HDAC9: variants seen among roughly 807,000 people sequenced by gnomAD.
The protein encoded by HDAC9 is histone deacetylase 9.
In HDAC9, 41 loss-of-function variants were observed where a neutral mutation model predicts 139.4. That is an observed-to-expected ratio of 0.29 (90% CI 0.23 to 0.38). HDAC9 has a LOEUF of 0.38. HDAC9 is among the 10% of genes least tolerant of loss of function. HDAC9 has a pLI of 1.00. For missense variants in HDAC9, 1,147 were observed against 1,297.0 expected (o/e 0.88, Z 1.78); for synonymous variants, 517 against 476.2 (o/e 1.09, Z -1.12).
At chr7:18,488,676 A>G (rs908139619) in intron 1 of HDAC9, among the ~76,000 whole-genome samples, 6 of 152,062 alleles carry the variant, frequency 3.9e-5, no homozygotes, top group African/African-American at 1.4e-4. Flanking sequence ...CAAGGTTACT[A>G]GTAGTACAAG....
chr7:18,831,401 A>G (rs1486818328), intron 19 of HDAC9, among the ~76,000 whole-genome samples: 1 of 152,202 alleles, frequency 6.6e-6, no homozygotes, highest in Admixed American at 6.5e-5. Context: ...GAAAAATCTG[A>G]TACGATTTAT....
At chr7:18,955,889 C>T (rs1783111812) in intron 24 of HDAC9, among the ~76,000 whole-genome samples, 2 of 152,086 alleles carry the variant, frequency 1.3e-5, no homozygotes, top group African/African-American at 4.8e-5. Flanking sequence ...AAAGGAACGA[C>T]AGAAGTGAAG....
At chr7:18,284,932 G>A (rs557608003) in intron 2 of HDAC9, among the ~76,000 whole-genome samples, 1 of 152,074 alleles carries the variant, frequency 6.6e-6, no homozygotes, top group African/African-American at 2.4e-5. Flanking sequence ...CTAAAATAAG[G>A]ACCCAATGAC....
At chr7:18,248,572 T>G (rs1794712506) in intron 2 of HDAC9, among the ~76,000 whole-genome samples, 1 of 152,220 alleles carries the variant, frequency 6.6e-6, no homozygotes, top group Non-Finnish European at 1.5e-5. Context: ...TCTCATTCCT[T>G]CTCGCATGCT....
In HDAC9 at chr7:18,972,840, A is replaced by G. The variant is rs927486291; in HGVS notation, c.3023-2966A>G. ...CAACATGATTGTCTCACACTGTCCA[A>G]ATAAACCACAAAGTCTAGAAAATGT... On this transcript the variant is annotated intron_variant, in intron 24 of 25. Coordinates refer to ENST00000686413, the MANE Select transcript of HDAC9 (RefSeq NM_178425.4). 4.9e-4 allele frequency among the ~76,000 whole-genome samples: 75 copies of G among 152,232 alleles called. 1 individual carries two copies. The highest frequency in any genetic ancestry group is 1.7e-3 in the African/African-American group (71 of 41,464).
chr7:18,935,799 A>T lies in HDAC9; in HGVS notation c.2804-10A>T. 2.5e-6 allele frequency: 4 copies of T among 1,611,108 alleles called. No homozygotes were observed. Among genetic ancestry groups the T allele is most frequent in the East Asian group, 2.2e-5 (1 of 44,852 alleles). On this transcript the variant is annotated splice_polypyrimidine_tract_variant and intron_variant, in intron 22 of 25. Coordinates refer to ENST00000686413, the MANE Select transcript of HDAC9 (RefSeq NM_178425.4). ...TAATACTTTGAAATGTTCTGTTTGT[A>T]TTATGGTAGGTTTTGGTCATTTGAC...
intron 2 of HDAC9, among the ~76,000 whole-genome samples, chr7:18,538,652 G>A (rs1811688981): frequency 6.6e-6 from 1 of 152,088 alleles, no homozygotes; most frequent in African/African-American, 2.4e-5. Context: ...CACATGATAG[G>A]GGTATGGATA....
intron 10 of HDAC9, 29 bp from the exon 11 acceptor site, chr7:18,648,435 TAC>T (rs1287777964): frequency 1.4e-6 from 2 of 1,457,088 alleles, no homozygotes; most frequent in Non-Finnish European, 9.6e-7. Flanking sequence ...TGTGTGTGTA[TAC>T]ACACATATAC....
At chr7:18,502,769 ATCTC>A (rs1216458650) in intron 2 of HDAC9, 1 of 152,192 alleles carries the variant, frequency 6.6e-6, no homozygotes, top group African/African-American at 2.4e-5. Context: ...AAGAAACTGG[ATCTC>A]TCTAAGCTAT....
intron 8 of HDAC9, among the ~76,000 whole-genome samples, chr7:18,644,356 C>T (rs930953268): frequency 6.6e-6 from 1 of 151,974 alleles, no homozygotes; most frequent in Non-Finnish European, 1.5e-5. Context: ...ACATACTAAT[C>T]AGAATTATCC....
intron 1 of HDAC9, among the ~76,000 whole-genome samples, chr7:18,379,851 C>A (rs928021038): frequency 6.6e-6 from 1 of 152,104 alleles, no homozygotes; most frequent in African/African-American, 2.4e-5. Flanking sequence ...ATCTTATTTC[C>A]ACATAGATGC....
At chr7:18,290,866 A>G (rs1415375063) in intron 1 of HDAC9, among the ~76,000 whole-genome samples, 1 of 152,200 alleles carries the variant, frequency 6.6e-6, no homozygotes, top group Non-Finnish European at 1.5e-5. Flanking sequence ...GGCATTATCT[A>G]CTGAAGCTGA....
At chr7:18,559,816 T>G (rs1311922876) in intron 2 of HDAC9, among the ~76,000 whole-genome samples, 6 of 152,202 alleles carry the variant, frequency 3.9e-5, no homozygotes, top group African/African-American at 1.4e-4. Flanking sequence ...TTTTTAATCC[T>G]CAAATATTAT....
At chr7:18,720,730 G>A (rs2129123885) in intron 12 of HDAC9, among the ~76,000 whole-genome samples, 1 of 150,350 alleles carries the variant, frequency 6.7e-6, no homozygotes, top group South Asian at 2.1e-4. Flanking sequence ...CACTCAGGCT[G>A]GAGTCCAGTG....
rs73315439 is a variant in HDAC9 at position 18,713,348 on chromosome 7, A to C, written c.1732-14232A>C. Reference sequence around the variant, plus strand: ...ATGAGTTGATAAAAATTATTGACCCATGAGACTAAATACAGGGACTATCTC... The same window carrying C: ...ATGAGTTGATAAAAATTATTGACCCCTGAGACTAAATACAGGGACTATCTC... On this transcript the variant is annotated intron_variant, in intron 12 of 25. Coordinates refer to ENST00000686413, the MANE Select transcript of HDAC9 (RefSeq NM_178425.4). Among the ~76,000 whole-genome samples, 509 of 152,320 alleles carry C rather than the reference A, an allele frequency of 3.3e-3. 2 individuals are homozygous for C. Among genetic ancestry groups the C allele is most frequent in the African/African-American group, 0.012 (492 of 41,582 alleles).
intron 13 of HDAC9, among the ~76,000 whole-genome samples, chr7:18,738,484 A>C (rs1787134383): frequency 6.6e-6 from 1 of 152,090 alleles, no homozygotes; most frequent in Non-Finnish European, 1.5e-5. Flanking sequence ...GCATTTGCTT[A>C]TGTATAATGG....
intron 17 of HDAC9, among the ~76,000 whole-genome samples, chr7:18,824,437 A>ATGGTGG (rs1346394218): frequency 6.6e-6 from 1 of 152,202 alleles, no homozygotes; most frequent in Non-Finnish European, 1.5e-5. Context: ...GAAGGCAAAC[A>ATGGTGG]TGGTGGTGGG....
intron 2 of HDAC9, among the ~76,000 whole-genome samples, chr7:18,225,430 T>C (rs887630903): frequency 6.6e-6 from 1 of 152,200 alleles, no homozygotes; most frequent in Non-Finnish European, 1.5e-5. Flanking sequence ...TAATTCTTTT[T>C]GGAATGTTTT....
chr7:18,322,196 C>G (rs1049123306), intron 1 of HDAC9, among the ~76,000 whole-genome samples: 2 of 152,174 alleles, frequency 1.3e-5, no homozygotes, highest in Non-Finnish European at 2.9e-5. Context: ...AAAGCTGGGG[C>G]ACAATCAGAA....
Sources: gnomAD v4.1 joint callset for allele counts (sites outside exome capture counted in the v4.1 genomes callset) on GRCh38, gnomAD v4.1.1 for gene constraint, MANE v1.5 for transcripts, NCBI Gene and HGNC (gene_info 2026-07-23, HGNC 2026-07-21) for gene names.